FBN3: variants seen among roughly 807,000 people sequenced by gnomAD.
FBN3 encodes the protein fibrillin 3, also known as fibrillin-3.
In FBN3, 234 loss-of-function variants were observed where a neutral mutation model predicts 330.1. The ratio of observed to expected loss-of-function variants is 0.71; its 90% confidence interval spans 0.64 to 0.79. The LOEUF is 0.79. FBN3 is among the 30% of genes least tolerant of loss of function. FBN3 has a pLI of 0.00. For missense variants in FBN3, 3,606 were observed against 3,886.9 expected, an observed-to-expected ratio of 0.93 and a Z score of 1.92; for synonymous variants, 1,458 against 1,517.3, an observed-to-expected ratio of 0.96 and a Z score of 0.91.
In FBN3 at chr19:8,149,468, G is replaced by A. The variant is rs1478356762; in HGVS notation, c.-37C>T. 1 of 152,052 alleles carries A rather than the reference G, an allele frequency of 6.6e-6. No individual in the cohort carries two copies. Among genetic ancestry groups the A allele is most frequent in the Non-Finnish European group, 1.5e-5 (1 of 68,012 alleles). The allele number at this position is 152,052 out of a possible 1,614,324, so 9.4% of individuals were successfully genotyped here. On this transcript the variant is annotated 5_prime_UTR_variant, in exon 1 of 64. Transcript: ENST00000600128. The surrounding 1 kb of genome is among the most constrained non-coding windows in gnomAD (Gnocchi z 5.5). The stretch of plus-strand genomic sequence containing the variant: ...ACCTACCTGCGAGGCGGCGCGCGTG[G>A]AGGCGGGCACGGCAGGCGGACGCGC...
chr19:8,097,509 G>A, intron 41 of FBN3, 95 bp from the exon 42 acceptor site: 6 of 1,374,110 alleles, frequency 4.4e-6, no homozygotes, highest in South Asian at 1.6e-5. Context: ...ATCTGGTTGA[G>A]GCTGTTGTGG....
At position 8,144,905 on chromosome 19, in the gene FBN3, A is replaced by G; in HGVS notation, c.513T>C (p.Tyr171=). The G allele has an allele frequency of 1.2e-6, 2 of 1,612,080 alleles. No homozygotes were observed. Among genetic ancestry groups the G allele is most frequent in the Non-Finnish European group, 1.7e-6 (2 of 1,179,518 alleles). The change falls in exon 6 of 64, where the codon TAT becomes TAC. Residue 171 remains tyrosine, a synonymous_variant. Coordinates refer to ENST00000600128, the MANE Select transcript of FBN3 (RefSeq NM_032447.5). ...CIGPNRCACV[Y]GFMGPQCERD... The stretch of plus-strand genomic sequence containing the variant: ...TCTCACATTGAGGTCCCATGAAGCC[A>G]TACACACAGGCGCAGCGGTTGGGCC...
rs192527812 is a variant in FBN3, at chr19:8,109,947, C to A, written c.4334-194G>T. On this transcript the variant is annotated intron_variant, in intron 34 of 63. Transcript: ENST00000600128. The surrounding 1 kb of genome is among the most constrained non-coding windows in gnomAD (Gnocchi z 5.2). The stretch of plus-strand genomic sequence containing the variant: ...TCCAGTCTGTCCTGTCCCCTCCAAC[C>A]CCATTCCCTCTCCTGCTCTGTTCTG... Among the ~76,000 whole-genome samples, 1 of 152,344 alleles carries A rather than the reference C, an allele frequency of 6.6e-6. No homozygotes were observed. The highest frequency in any genetic ancestry group is 6.5e-5 in the Admixed American group (1 of 15,304).
intron 63 of FBN3, among the ~76,000 whole-genome samples, chr19:8,068,698 T>A (rs969852925): frequency 7.0e-6 from 1 of 143,300 alleles, no homozygotes; most frequent in Admixed American, 7.0e-5. Context: ...TGAGACCTTG[T>A]CTCAAATAAA....
At chr19:8,146,460 G>A (rs2083549870) in intron 3 of FBN3, among the ~76,000 whole-genome samples, 1 of 152,220 alleles carries the variant, frequency 6.6e-6, no homozygotes, top group Admixed American at 6.5e-5. Flanking sequence ...TAGAGCCATG[G>A]GGAGAGAATG....
At position 8,125,906 on chromosome 19, in the gene FBN3, C is replaced by G; in HGVS notation, c.2717G>C (p.Gly906Ala). Residue 906 changes from glycine (G) to alanine (A), a missense_variant, in exon 22 of 64, where the codon GGC becomes GCC. Physicochemically the swap from Gly to Ala is moderately conservative, Grantham distance 60. Transcript: ENST00000600128. Reference sequence around the variant, plus strand: ...CCTGGACTCACCCACGCACAGCCGGCCTGAGGCGTCCAGCATCAGGCCCTC... The same window carrying G: ...CCTGGACTCACCCACGCACAGCCGGGCTGAGGCGTCCAGCATCAGGCCCTC... The part of the protein sequence containing the change: ...CPEGLMLDAS[G>A]RLCVDVRLEP... The G allele has an allele frequency of 1.2e-6, 2 of 1,612,872 alleles. No individual in the cohort carries two copies. Among genetic ancestry groups the G allele is most frequent in the Non-Finnish European group, 1.7e-6 (2 of 1,179,796 alleles).
At chr19:8,085,627 G>A in intron 55 of FBN3, 58 bp from the exon 56 acceptor site, 3 of 1,358,802 alleles carry the variant, frequency 2.2e-6, no homozygotes, top group Non-Finnish European at 3.0e-6. Flanking sequence ...TGGGGGCAAA[G>A]ACTGAGCTTG....
At chr19:8,088,544 CAT>C (rs1471698786) in intron 51 of FBN3, among the ~76,000 whole-genome samples, 1 of 152,116 alleles carries the variant, frequency 6.6e-6, no homozygotes, top group Non-Finnish European at 1.5e-5. Flanking sequence ...CTCTAAAAAA[CAT>C]ATAAATGAGT....
At position 8,116,765 on chromosome 19, in the gene FBN3, A is replaced by C; in HGVS notation, c.3621T>G (p.Cys1207Trp). 1 of 1,614,058 alleles carries C rather than the reference A, an allele frequency of 6.2e-7. No individual in the cohort carries two copies. Among genetic ancestry groups the C allele is most frequent in the Non-Finnish European group, 8.5e-7 (1 of 1,179,984 alleles). Residue 1207 changes from cysteine (C) to tryptophan (W), a missense_variant, in exon 29 of 64, where the codon TGT becomes TGG. Coordinates refer to ENST00000600128, the MANE Select transcript of FBN3 (RefSeq NM_032447.5). ...GCATGTTGGTGCAGTGGCCTTGGTC[A>C]CAAACGCGGGGGTTCTCTTCACACT... ...VDECEENPRV[C>W]DQGHCTNMPG... is the part of the protein sequence containing the mutation.
At chr19:8,136,749 TGGGCCTGGATCCCTCCAACCTG>T (rs2083290450) in intron 10 of FBN3, among the ~76,000 whole-genome samples, 2 of 148,798 alleles carry the variant, frequency 1.3e-5, no homozygotes, top group South Asian at 4.3e-4. Flanking sequence ...CCCTCCAACC[TGGGCCTGGATCCCTCCAACCTG>T]GGGCCTGGAT....
Position 8,129,135 on chromosome 19 carries a change from A to G in FBN3, c.2189T>C (p.Leu730Pro). ...KDCTDVDECALNSLLCDNGWC... is the reference protein window; with the variant it reads ...KDCTDVDECAPNSLLCDNGWC... Reference sequence around the variant, plus strand: ...CCCGTTGTCACACAGGAGGCTGTTGAGGGCACACTCATCCACGTCTGTGGG... The same window carrying G: ...CCCGTTGTCACACAGGAGGCTGTTGGGGGCACACTCATCCACGTCTGTGGG... Residue 730 changes from leucine (L) to proline (P), a missense_variant, in exon 18 of 64, where the codon CTC becomes CCC. Transcript: ENST00000600128. The surrounding 1 kb of genome is among the most constrained non-coding windows in gnomAD (Gnocchi z 4.5). 1 of 1,599,266 alleles carries G rather than the reference A, an allele frequency of 6.3e-7. No individual in the cohort carries two copies. The highest frequency in any genetic ancestry group is 1.1e-5 in the South Asian group (1 of 90,682).
intron 40 of FBN3, among the ~76,000 whole-genome samples, chr19:8,102,268 G>A (rs549162778): frequency 2.1e-4 from 32 of 151,330 alleles, no homozygotes; most frequent in Admixed American, 2.6e-4. Context: ...AGGCTGGAGC[G>A]CAGTGGCATG....
At chr19:8,110,553 TG>T (rs2082554379) in intron 34 of FBN3, among the ~76,000 whole-genome samples, 5 of 152,222 alleles carry the variant, frequency 3.3e-5, no homozygotes, top group Non-Finnish European at 7.3e-5. Context: ...AGACTGACTG[TG>T]TGGCCTGCAA....
rs780834583 is a variant in FBN3, at chr19:8,066,120, G to A, written c.8229C>T (p.Arg2743=). ...TGCGAAAGAAACCTTGCTCGTTTCC[G>A]CGGACGATGACGTAGCGGATCCGGC... ...LEGRIRYVIV[R]GNEQGFFRMH... is the part of the protein sequence containing the mutation. The change falls in exon 64 of 64, where the codon CGC becomes CGT. Residue 2743 remains arginine, a synonymous_variant. Transcript: ENST00000600128. 11 of 1,613,400 alleles carry A rather than the reference G, an allele frequency of 6.8e-6. No homozygotes were observed. Among genetic ancestry groups the A allele is most frequent in the African/African-American group, 5.3e-5 (4 of 74,940 alleles).
chr19:8,117,724 C>A, intron 26 of FBN3, 135 bp from the exon 27 acceptor site: 1 of 1,024,262 alleles, frequency 9.8e-7, no homozygotes, highest in Non-Finnish European at 1.4e-6. Context: ...ATGTGCCTAT[C>A]CGTACACTTG....
chr19:8,135,935 T>TGGGGGGGGGGGGGGGGGGGGGCCCC, intron 13 of FBN3, 26 bp downstream of exon 13: 1 of 1,344,156 alleles, frequency 7.4e-7, no homozygotes, highest in Non-Finnish European at 1.0e-6. Flanking sequence ...CGGAAGCCCC[T>TGGGGGGGGGGGGGGGGGGGGGCCCC]GCCCACCCGC....
chr19:8,116,634 C>T, intron 29 of FBN3, 40 bp downstream of exon 29: 1 of 1,582,436 alleles, frequency 6.3e-7, no homozygotes, highest in Non-Finnish European at 8.7e-7. Flanking sequence ...TCTGACACTG[C>T]CTCCTCCACC....
intron 1 of FBN3, chr19:8,148,680 G>C (rs758009095): frequency 6.6e-6 from 1 of 152,276 alleles, no homozygotes; most frequent in Non-Finnish European, 1.5e-5. Flanking sequence ...AAAGGAACCG[G>C]CCCTAGGTGG....
At chr19:8,089,718 G>A (rs751343422) in intron 50 of FBN3, 48 bp from the exon 51 acceptor site, 1 of 1,607,302 alleles carries the variant, frequency 6.2e-7, no homozygotes, top group Non-Finnish European at 8.5e-7. Flanking sequence ...CCACACAATC[G>A]CCAGAGCCCT....
Sources: allele counts gnomAD v4.1 joint callset (sites outside exome capture counted in the v4.1 genomes callset), GRCh38; gene constraint gnomAD v4.1.1; non-coding constraint Gnocchi (gnomAD v3.1); transcripts MANE v1.5; gene names NCBI Gene and HGNC (gene_info 2026-07-23, HGNC 2026-07-21).